The following ARL2BP variants were observed in gnomAD, a reference collection of about 807,000 sequenced individuals.
ARL2BP encodes the protein ARF like GTPase 2 binding protein, also known as ADP-ribosylation factor-like protein 2-binding protein.
ARL2BP carries 19 observed loss-of-function variants against 24.2 expected under a neutral mutation model. That is an observed-to-expected ratio of 0.79 (90% CI 0.55 to 1.15). The LOEUF (loss-of-function observed/expected upper bound fraction) is 1.15, where lower values mean the gene tolerates loss of function less well. ARL2BP is among the 50% of genes most tolerant of loss of function. The probability of loss-of-function intolerance (pLI) is 0.00; values close to 1 mark genes in which losing one functional copy is unlikely to be tolerated. For synonymous variants in ARL2BP, 56 were observed against 70.5 expected (o/e 0.79, Z 1.03); for missense variants, 160 against 190.4 (o/e 0.84, Z 0.94).
chr16:57,245,436 TGGGGCCGGAGGCAGCGGGCGTTCGCCCC>T (rs2075387003), intron 1 of ARL2BP, 31 bp downstream of exon 1: 1 of 1,601,242 alleles, frequency 6.2e-7, no homozygotes, highest in Admixed American at 1.7e-5. Context: ...GCAGGCGACT[TGGGGCCGGAGGCAGCGGGCGTTCGCCCC>T]GGGGCCTGAC....
intron 4 of ARL2BP, 80 bp from the exon 5 acceptor site, chr16:57,250,331 G>GT: frequency 8.0e-7 from 1 of 1,248,810 alleles, no homozygotes; most frequent in Non-Finnish European, 1.2e-6. Flanking sequence ...TGGGGCTGGG[G>GT]TGGTGGAAAG....
At chr16:57,246,040 C>T (rs774137793) in intron 1 of ARL2BP, 40 bp from the exon 2 acceptor site, 4 of 1,594,386 alleles carry the variant, frequency 2.5e-6, no homozygotes, top group South Asian at 2.3e-5. Context: ...TTTTTTAATG[C>T]ATTATTTGAA....
chr16:57,250,119 C>A, intron 4 of ARL2BP: 2 of 592,164 alleles, frequency 3.4e-6, no homozygotes, highest in Non-Finnish European at 6.0e-6. Context: ...CATAGTGAGG[C>A]CCCGACCCTA....
In ARL2BP at chr16:57,246,215, A is replaced by C; in HGVS notation, c.100+74A>C. ...ACATTGAAATCAATTTGGAGAGTTA[A>C]TTTTAAAAAGAGAAAACATCAAGCT... On this transcript the variant is annotated intron_variant, in intron 2 of 5. Transcript: ENST00000219204. 3 of 1,451,320 alleles carry C rather than the reference A, an allele frequency of 2.1e-6. No homozygotes were observed. The South Asian group carries it at 3.6e-5, about 17-fold the overall frequency. 89.9% of individuals were successfully genotyped at this position (1,451,320 alleles called of 1,614,324 possible).
Position 57,252,191 on chromosome 16 carries a change from T to TA in ARL2BP, c.418dup (p.Ser140LysfsTer32). On this transcript the variant is annotated frameshift_variant, in exon 6 of 6. Transcript: ENST00000219204. LOFTEE classifies it high-confidence loss of function. ...GAAAAAGAAGGCCGAGGACTGGACT[T>TA]AAGCAGTGGCTTAGTGGTGACTTCA... is the stretch of plus-strand genomic sequence containing the variant. The TA allele has an allele frequency of 6.2e-7, 1 of 1,614,186 alleles. No individual in the cohort carries two copies. The highest frequency in any genetic ancestry group is 8.5e-7 in the Non-Finnish European group (1 of 1,180,038).
intron 2 of ARL2BP, among the ~76,000 whole-genome samples, chr16:57,246,936 T>G (rs1009980911): frequency 6.6e-6 from 1 of 152,248 alleles, no homozygotes; most frequent in Non-Finnish European, 1.5e-5. Flanking sequence ...TGGATGTATT[T>G]GGGCATCCAT....
intron 2 of ARL2BP, 53 bp downstream of exon 2, chr16:57,246,194 T>G: frequency 6.6e-7 from 1 of 1,525,338 alleles, no homozygotes; most frequent in Non-Finnish European, 9.0e-7. Flanking sequence ...TTAAGGACAT[T>G]GAAATCAATT....
chr16:57,251,958 C>T (rs2075409569), intron 5 of ARL2BP: 2 of 519,800 alleles, frequency 3.8e-6, no homozygotes, highest in Admixed American at 3.3e-5. Context: ...GAGCAAGACC[C>T]TACCTCTTTA....
chr16:57,245,914 T>C (rs866465589), intron 1 of ARL2BP, 166 bp from the exon 2 acceptor site: 4 of 669,928 alleles, frequency 6.0e-6, no homozygotes, highest in Middle Eastern at 6.8e-4. Context: ...TTTTCTTCTG[T>C]TTGGACTTAC....
At chr16:57,249,647 C>T (rs898630661) in intron 3 of ARL2BP, 120 bp from the exon 4 acceptor site, 6 of 754,800 alleles carry the variant, frequency 7.9e-6, no homozygotes, top group Non-Finnish European at 1.1e-5. Flanking sequence ...CCTTGGCACT[C>T]AGTGTAGATT....
rs1200021543 is a variant in ARL2BP at position 57,250,505 on chromosome 16, G to A, written c.388G>A (p.Ala130Thr). The change falls in exon 5 of 6, where the codon GCA becomes ACA. Residue 130 changes from alanine (A) to threonine (T), a missense_variant and splice_region_variant. Coordinates refer to ENST00000219204, the MANE Select transcript of ARL2BP (RefSeq NM_012106.4). The stretch of plus-strand genomic sequence containing the variant: ...TAAAGAAATGTTTTTGGACTACAGA[G>A]CAGTAAGTTACTACTCCTATTTATT... ...AFKEMFLDYR[A>T]EKEGRGLDLS... 1 of 1,613,144 alleles carries A rather than the reference G, an allele frequency of 6.2e-7. No individual in the cohort carries two copies.
chr16:57,245,865 A>G, intron 1 of ARL2BP: 1 of 598,586 alleles, frequency 1.7e-6, no homozygotes, highest in Non-Finnish European at 3.0e-6. Context: ...AAGTGGAGTC[A>G]TGACATTGAA....
At position 57,248,311 on chromosome 16, in the gene ARL2BP, CAAAAAAAAAAAA is replaced by C. The variant is rs1161528446; in HGVS notation, c.101-212_101-201del. ...CTGGGCAACAAGAGAAACTCCAGCT[CAAAAAAAAAAAA>C]AAAAAAAAAAAAAGAAAGAAAGAAA... On this transcript the variant is annotated intron_variant, in intron 2 of 5. Coordinates refer to ENST00000219204, the MANE Select transcript of ARL2BP (RefSeq NM_012106.4). The C allele has an allele frequency of 5.9e-3, 291 of 49,262 alleles. 1 individual carries two copies. The highest frequency in any genetic ancestry group is 0.025 in the Middle Eastern group (3 of 122). The allele number at this position is 49,262 out of a possible 1,614,324, so 3.1% of individuals were successfully genotyped here. A position where few individuals can be genotyped will look rare whatever the true frequency, so the allele number is the denominator to read the frequency against.
At chr16:57,246,957 A>C (rs1455828911) in intron 2 of ARL2BP, among the ~76,000 whole-genome samples, 1 of 152,208 alleles carries the variant, frequency 6.6e-6, no homozygotes, top group Non-Finnish European at 1.5e-5. Context: ...GAAACCTGCT[A>C]AGTAACAGAG....
At position 57,246,066 on chromosome 16, in the gene ARL2BP, G is replaced by T. The variant is rs1471834569; in HGVS notation, c.39-14G>T. On this transcript the variant is annotated splice_polypyrimidine_tract_variant and intron_variant, in intron 1 of 5. Transcript: ENST00000219204. ...ATTATTTGAAATAGCACCTAATCCA[G>T]GCATGTTTTTCAGCTCCTCCGCCTC... The T allele has an allele frequency of 6.2e-7, 1 of 1,613,596 alleles. No homozygotes were observed. Among genetic ancestry groups the T allele is most frequent in the Admixed American group, 1.7e-5 (1 of 59,970 alleles).
At position 57,252,422 on chromosome 16, in the gene ARL2BP, C is replaced by T; in HGVS notation, c.*155C>T. 1 of 1,358,258 alleles carries T rather than the reference C, an allele frequency of 7.4e-7. No individual in the cohort carries two copies. The highest frequency in any genetic ancestry group is 1.0e-6 in the Non-Finnish European group (1 of 999,438). 84.1% of individuals were successfully genotyped at this position (1,358,258 alleles called of 1,614,324 possible). A position where few individuals can be genotyped will look rare whatever the true frequency, so the allele number is the denominator to read the frequency against. ...ATAGGTCAAAACCAAAATGACCTAACCCTCCTGGACCTATTTATCCTGAAA... is the reference window on the plus strand; with the variant it reads ...ATAGGTCAAAACCAAAATGACCTAATCCTCCTGGACCTATTTATCCTGAAA... On this transcript the variant is annotated 3_prime_UTR_variant, in exon 6 of 6. Coordinates refer to ENST00000219204, the MANE Select transcript of ARL2BP (RefSeq NM_012106.4).
rs536362342 is a variant in ARL2BP, at chr16:57,245,496, GGGGCC to G, written c.38+111_38+115del. ...TGACCCTATAAAACAGGTGTCCTTA[GGGGCC>G]GGGCCGGGCCGGGCCGGGCAGGGTG... On this transcript the variant is annotated intron_variant, in intron 1 of 5. Coordinates refer to ENST00000219204, the MANE Select transcript of ARL2BP (RefSeq NM_012106.4). The G allele has an allele frequency of 1.2e-3, 1,864 of 1,514,490 alleles. 20 individuals carry two copies. The African/African-American group carries it at 0.015, about 13-fold the overall frequency. The allele number at this position is 1,514,490 out of a possible 1,614,324, so 93.8% of individuals were successfully genotyped here.
chr16:57,251,333 T>G (rs1777901688), intron 5 of ARL2BP: 2 of 150,416 alleles, frequency 1.3e-5, no homozygotes, highest in Non-Finnish European at 1.5e-5. Context: ...CCCAGAAGGT[T>G]GAGATTGCTG....
At position 57,245,306 on chromosome 16, in the gene ARL2BP, G is replaced by A. The variant is rs2075386285; in HGVS notation, c.-62G>A. The A allele has an allele frequency of 6.4e-7, 1 of 1,571,146 alleles. No individual in the cohort carries two copies. Among genetic ancestry groups the A allele is most frequent in the Admixed American group, 1.9e-5 (1 of 52,686 alleles). On this transcript the variant is annotated 5_prime_UTR_variant, in exon 1 of 6. Transcript: ENST00000219204. ...CTGAGAGGCCTTAACCCCGCCGGGC[G>A]GCCGCGCCCTGCATGCGAGTTGGGC... is the stretch of plus-strand genomic sequence containing the variant.
Sources: allele counts gnomAD v4.1 joint callset (sites outside exome capture counted in the v4.1 genomes callset), GRCh38; gene constraint gnomAD v4.1.1; transcripts MANE v1.5; gene names NCBI Gene and HGNC (gene_info 2026-07-23, HGNC 2026-07-21).